Variants in GLI3 observed in about 807,000 individuals in gnomAD.
The protein encoded by GLI3 is transcription activator GLI3.
GLI3 carries 20 observed loss-of-function variants against 100.8 expected under a neutral mutation model. The observed-to-expected ratio is 0.20, with a 90% CI of 0.14 to 0.29. The LOEUF (loss-of-function observed/expected upper bound fraction) is 0.29, where lower values mean the gene tolerates loss of function less well. GLI3 is among the 10% of genes least tolerant of loss of function. GLI3 has a pLI of 1.00. For synonymous variants in GLI3, 938 were observed against 860.5 expected (o/e 1.09, Z -1.58); for missense variants, 2,040 against 2,128.5 (o/e 0.96, Z 0.82).
intron 2 of GLI3, among the ~76,000 whole-genome samples, chr7:42,158,784 C>T (rs536087682): frequency 2.0e-5 from 3 of 152,254 alleles, no homozygotes; most frequent in East Asian, 3.9e-4. Flanking sequence ...TGTGAGCCAC[C>T]GCGCCCAGCT....
intron 3 of GLI3, among the ~76,000 whole-genome samples, chr7:42,122,089 G>A (rs1403497459): frequency 1.4e-5 from 2 of 146,258 alleles, no homozygotes; most frequent in Non-Finnish European, 3.0e-5. Context: ...TCTGTGACAT[G>A]AAGACAAATG....
intron 1 of GLI3, among the ~76,000 whole-genome samples, chr7:42,258,897 T>C (rs572666592): frequency 1.3e-5 from 2 of 152,208 alleles, no homozygotes; most frequent in Admixed American, 6.5e-5. Flanking sequence ...TAGCATTATC[T>C]TTCCTGATTG....
intron 2 of GLI3, among the ~76,000 whole-genome samples, chr7:42,196,880 C>A (rs1787937169): frequency 6.6e-6 from 1 of 152,182 alleles, no homozygotes; most frequent in Admixed American, 6.5e-5. Flanking sequence ...ACTTATGGAA[C>A]AAAATGGTAA....
chr7:42,021,801 A>G (rs1026151917), intron 10 of GLI3, among the ~76,000 whole-genome samples: 1 of 152,214 alleles, frequency 6.6e-6, no homozygotes, highest in Non-Finnish European at 1.5e-5. Flanking sequence ...CTGTTCTATA[A>G]TGGCAGCTTT....
At chr7:42,147,507 A>C (rs1002957352) in intron 3 of GLI3, among the ~76,000 whole-genome samples, 2 of 152,200 alleles carry the variant, frequency 1.3e-5, no homozygotes, top group African/African-American at 4.8e-5. Flanking sequence ...ATTACTCCAC[A>C]ACCAAATTGT....
chr7:42,028,163 C>T (rs1467152091), intron 7 of GLI3, among the ~76,000 whole-genome samples: 2 of 152,120 alleles, frequency 1.3e-5, no homozygotes, highest in African/African-American at 4.8e-5. Context: ...AGTGTAACTA[C>T]GTTATTCTAT....
chr7:42,125,028 A>T (rs1198801073), intron 3 of GLI3, among the ~76,000 whole-genome samples: 1 of 152,192 alleles, frequency 6.6e-6, no homozygotes, highest in African/African-American at 2.4e-5. Flanking sequence ...GCTACAGCAG[A>T]TTTTCTTTCA....
In GLI3 at chr7:42,179,365, G is replaced by C. The variant is rs151112980; in HGVS notation, c.125-30897C>G. 2.1e-3 allele frequency among the ~76,000 whole-genome samples: 313 copies of C among 152,300 alleles called. 5 individuals carry two copies. The East Asian group carries it at 0.03, about 14-fold the overall frequency. ...ACTAATACAGCTGGAGCAGAGGGAA[G>C]GCGTGGGTGGGCAGGTAACGGGAGG... On this transcript the variant is annotated intron_variant, in intron 2 of 14. Coordinates refer to ENST00000395925, the MANE Select transcript of GLI3 (RefSeq NM_000168.6).
At chr7:42,026,492 T>G (rs1789117861) in intron 7 of GLI3, 80 bp from the exon 8 acceptor site, 3 of 1,071,174 alleles carry the variant, frequency 2.8e-6, no homozygotes, top group Non-Finnish European at 4.2e-6. Context: ...CAGCTTTCTA[T>G]CTATAATTTT....
At chr7:42,248,845 G>T (rs894846179) in intron 1 of GLI3, among the ~76,000 whole-genome samples, 4 of 151,866 alleles carry the variant, frequency 2.6e-5, no homozygotes, top group African/African-American at 9.7e-5. Flanking sequence ...CTGGAGTGCA[G>T]TGGTGTGGTC....
chr7:42,120,262 T>A (rs1401927872), intron 3 of GLI3, among the ~76,000 whole-genome samples: 1 of 152,220 alleles, frequency 6.6e-6, no homozygotes, highest in Non-Finnish European at 1.5e-5. Context: ...CTTTGTTTAA[T>A]CGAGAAATCT....
chr7:42,189,812 A>T (rs560105590), intron 2 of GLI3, among the ~76,000 whole-genome samples: 1 of 152,300 alleles, frequency 6.6e-6, no homozygotes, highest in Admixed American at 6.5e-5. Context: ...AACAGGATGA[A>T]TCATTTCCTT....
chr7:41,977,997 T>A (rs926273480), intron 11 of GLI3: 10 of 500,884 alleles, frequency 2.0e-5, no homozygotes, highest in Admixed American at 1.3e-4. Context: ...ATCTGCTCAT[T>A]GATCTCCTCA....
chr7:42,238,003 G>GCCT (rs1197149389), upstream of GLI3: 1,739 of 141,016 alleles, frequency 0.012, 21 homozygotes, highest in Middle Eastern at 0.023. Context: ...CGCCGCCGCC[G>GCCT]CCTCCTCCTC....
At chr7:42,192,774 C>G (rs1474986418) in intron 2 of GLI3, among the ~76,000 whole-genome samples, 1 of 152,212 alleles carries the variant, frequency 6.6e-6, no homozygotes, top group Non-Finnish European at 1.5e-5. Flanking sequence ...TTAAGCATAC[C>G]TTGGGGTCCA....
At chr7:42,145,082 A>T (rs1441373889) in intron 3 of GLI3, among the ~76,000 whole-genome samples, 1 of 152,250 alleles carries the variant, frequency 6.6e-6, no homozygotes. Flanking sequence ...ACACTAAAAA[A>T]TTCATGGAAA....
chr7:41,989,546 G>A (rs10235536), intron 10 of GLI3, among the ~76,000 whole-genome samples: 2,033 of 152,206 alleles, frequency 0.013, 61 homozygotes, highest in African/African-American at 0.047. Context: ...TCCAGCATAC[G>A]GAGAAAGCAT....
intron 4 of GLI3, among the ~76,000 whole-genome samples, chr7:42,050,647 A>G (rs1258464964): frequency 6.6e-6 from 1 of 152,244 alleles, no homozygotes; most frequent in African/African-American, 2.4e-5. Context: ...GTGCCACCGA[A>G]TGCAGAAGAG....
chr7:41,973,189 A>G (rs1241658160), intron 12 of GLI3, among the ~76,000 whole-genome samples: 1 of 152,202 alleles, frequency 6.6e-6, no homozygotes, highest in African/African-American at 2.4e-5. Flanking sequence ...AGATGACACT[A>G]AAATGTGCTC....
Sources: gnomAD v4.1 joint callset for allele counts (sites outside exome capture counted in the v4.1 genomes callset) on GRCh38, gnomAD v4.1.1 for gene constraint, MANE v1.5 for transcripts, NCBI Gene and HGNC (gene_info 2026-07-23, HGNC 2026-07-21) for gene names.